Variants in CLCN4 observed in about 807,000 individuals in gnomAD.
CLCN4 encodes H(+)/Cl(-) exchange transporter 4.
A neutral mutation model predicts 41.7 loss-of-function variants in CLCN4; 1 was observed. The observed-to-expected ratio is 0.02, with a 90% CI of 0.01 to 0.11. The LOEUF (loss-of-function observed/expected upper bound fraction) is 0.11, where lower values mean the gene tolerates loss of function less well. Ranked by LOEUF, CLCN4 falls within the 10% of genes least tolerant of loss-of-function variation. The pLI, the probability that CLCN4 is intolerant of heterozygous loss-of-function variation, is 1.00. For synonymous variants in CLCN4, 277 were observed against 285.8 expected (o/e 0.97, Z 0.31); for missense variants, 287 against 661.0 (o/e 0.43, Z 6.20).
At chrX:10,189,798 T>A (rs1923910256) in intron 4 of CLCN4, among the ~76,000 whole-genome samples, 2 of 112,004 alleles carry the variant, frequency 1.8e-5, no homozygotes, top group Admixed American at 9.4e-5. Flanking sequence ...CCGCTAGGTG[T>A]CACTGTTGGA....
chrX:10,207,517 G>A (rs1175220480), intron 8 of CLCN4, among the ~76,000 whole-genome samples: 1 of 112,329 alleles, frequency 8.9e-6, no homozygotes, highest in Non-Finnish European at 1.9e-5. Context: ...TTCCATAGAT[G>A]TTTCCTTATG....
chrX:10,195,178 A>G lies in CLCN4; in HGVS notation c.432+80A>G, dbSNP rs754377248. On this transcript the variant is annotated intron_variant, in intron 5 of 12. Coordinates refer to ENST00000380833, the MANE Select transcript of CLCN4 (RefSeq NM_001830.4). ...GGGAATGCTGCTGGGAGATTTGTGA[A>G]TGTCTGTGATTTCACCTTCAAGTGC... 1.0e-3 allele frequency: 1,014 copies of G among 976,559 alleles called. 1 individual carries two copies. The highest frequency in any genetic ancestry group is 1.4e-3 in the Non-Finnish European group (961 of 697,580). 80.5% of individuals were successfully genotyped at this position (976,559 alleles called of 1,213,427 possible).
At chrX:10,161,124 G>GCTCTCTCTCTCTCTCTCTCT (rs34687262) in intron 2 of CLCN4, among the ~76,000 whole-genome samples, 20 of 86,413 alleles carry the variant, frequency 2.3e-4, no homozygotes, top group East Asian at 1.3e-3. Flanking sequence ...CCATCAGCTT[G>GCTCTCTCTCTCTCTCTCTCT]CTCTCTCTCT....
rs772900688 is a variant in CLCN4 at position 10,233,584 on chromosome X, G to A, written c.2283G>A (p.Ter761=). 2.5e-5 allele frequency: 29 copies of A among 1,176,385 alleles called. No individual in the cohort carries two copies. The South Asian group carries it at 4.1e-4, about 17-fold the overall frequency. Residue 761 remains the stop codon, a stop_retained_variant, in exon 13 of 13, where the codon TAG becomes TAA. Transcript: ENST00000380833. ...ACCCCGAATCCATCATGTTTAATTA[G>A]CAACAAGGTGGCAATTATTTTCAGA... ...NQDPESIMFN[*]
intron 6 of CLCN4, among the ~76,000 whole-genome samples, chrX:10,205,123 C>T (rs1425341572): frequency 9.0e-6 from 1 of 111,198 alleles, no homozygotes; most frequent in Non-Finnish European, 1.9e-5. Context: ...AAGAATGATG[C>T]TTCCTTCTAG....
At chrX:10,203,822 T>C (rs1924302698) in intron 6 of CLCN4, among the ~76,000 whole-genome samples, 1 of 111,790 alleles carries the variant, frequency 8.9e-6, no homozygotes, top group Admixed American at 9.5e-5. Context: ...AGAACGACTG[T>C]AGTAGCTATT....
intron 11 of CLCN4, among the ~76,000 whole-genome samples, chrX:10,219,429 G>A (rs1380630743): frequency 2.7e-5 from 3 of 112,306 alleles, no homozygotes; most frequent in Non-Finnish European, 1.9e-5. Flanking sequence ...ATATCGAACA[G>A]TCTACATTTG....
chrX:10,220,628 T>A, intron 11 of CLCN4, 33 bp from the exon 12 acceptor site: 2 of 1,122,613 alleles, frequency 1.8e-6, no homozygotes, highest in South Asian at 3.6e-5. Context: ...GGGGTTTTTG[T>A]GTGGCTCATT....
At chrX:10,179,998 C>G (rs1475857471) in intron 2 of CLCN4, among the ~76,000 whole-genome samples, 1 of 112,062 alleles carries the variant, frequency 8.9e-6, no homozygotes, top group Non-Finnish European at 1.9e-5. Context: ...GATGCTGCCT[C>G]TCTTGTGATG....
intron 2 of CLCN4, among the ~76,000 whole-genome samples, chrX:10,164,005 G>T (rs967758397): frequency 1.8e-5 from 2 of 112,801 alleles, no homozygotes; most frequent in African/African-American, 6.5e-5. Flanking sequence ...TACATGTTAG[G>T]ACCAAATGGA....
At chrX:10,199,650 G>A (rs775731540) in intron 6 of CLCN4, among the ~76,000 whole-genome samples, 7 of 112,564 alleles carry the variant, frequency 6.2e-5, no homozygotes, top group East Asian at 2.8e-4. Flanking sequence ...GAGGAAATGC[G>A]CATAAATAGA....
intron 12 of CLCN4, among the ~76,000 whole-genome samples, chrX:10,228,720 TG>T (rs1278436254): frequency 8.9e-6 from 1 of 111,888 alleles, no homozygotes; most frequent in African/African-American, 3.3e-5. Context: ...TGCCAGATAA[TG>T]AACTGATTTG....
rs1485478078 is a variant in CLCN4, at chrX:10,234,488, T to A, written c.*904T>A. 8.8e-6 allele frequency: 1 copy of A among 113,126 alleles called. No individual in the cohort carries two copies. The highest frequency in any genetic ancestry group is 3.2e-5 in the African/African-American group (1 of 31,051). The allele number at this position is 113,126 out of a possible 1,213,427, so 9.3% of individuals were successfully genotyped here. A position where few individuals can be genotyped will look rare whatever the true frequency, so the allele number is the denominator to read the frequency against. On this transcript the variant is annotated 3_prime_UTR_variant, in exon 13 of 13. Coordinates refer to ENST00000380833, the MANE Select transcript of CLCN4 (RefSeq NM_001830.4). ...TAGCCGGTATGCCCCCAGCCTGCCA[T>A]AAGCGTGCTTTCATTTTCAAGTAGC... is the stretch of plus-strand genomic sequence containing the variant.
rs1555977626 is a variant in CLCN4 at position 10,216,918 on chromosome X, T to TACACAC, written c.1975+2847_1975+2852dup. On this transcript the variant is annotated intron_variant, in intron 11 of 12. Transcript: ENST00000380833. ...GTGTGTATATATATATATATATATA[T>TACACAC]ACACACACACACATAGAGGGACTTC... Among the ~76,000 whole-genome samples the TACACAC allele has an allele frequency of 7.7e-5, 3 of 38,931 alleles. No individual in the cohort carries two copies. In the East Asian group the frequency reaches 4.7e-3, roughly 61 times the overall value. The allele number at this position is 38,931 out of a possible 115,157, so 33.8% of individuals were successfully genotyped here.
chrX:10,215,111 C>T (rs759039421), intron 11 of CLCN4, among the ~76,000 whole-genome samples: 8 of 111,981 alleles, frequency 7.1e-5, no homozygotes, highest in Non-Finnish European at 1.5e-4. Context: ...CATGTGCACA[C>T]GACAGTTTTA....
intron 2 of CLCN4, 89 bp downstream of exon 2, chrX:10,158,640 C>A (rs1923016795): frequency 4.0e-6 from 1 of 250,107 alleles, no homozygotes; most frequent in Non-Finnish European, 7.1e-6. Context: ...GGCCTGCAGC[C>A]CGGCTGCGCC....
chrX:10,181,559 A>G (rs1169317745), intron 2 of CLCN4, among the ~76,000 whole-genome samples: 1 of 111,265 alleles, frequency 9.0e-6, no homozygotes, highest in Admixed American at 9.5e-5. Flanking sequence ...AAGCACATTC[A>G]AAGATACGGG....
At chrX:10,170,759 G>A (rs1923367261) in intron 2 of CLCN4, among the ~76,000 whole-genome samples, 1 of 112,436 alleles carries the variant, frequency 8.9e-6, no homozygotes, top group Admixed American at 9.3e-5. Flanking sequence ...GGGTTCTGTC[G>A]GGAAGCCTAG....
chrX:10,210,704 G>A (rs1159109169), intron 9 of CLCN4, among the ~76,000 whole-genome samples: 1 of 92,818 alleles, frequency 1.1e-5, no homozygotes, highest in Non-Finnish European at 2.1e-5. Flanking sequence ...TGTCCAGGCT[G>A]GAGTGCAGTG....
Sources: gnomAD v4.1 joint callset for allele counts (sites outside exome capture counted in the v4.1 genomes callset) on GRCh38, gnomAD v4.1.1 for gene constraint, MANE v1.5 for transcripts, NCBI Gene and HGNC (gene_info 2026-07-23, HGNC 2026-07-21) for gene names.